Variants in LAMA3 observed in about 807,000 individuals in gnomAD.
The protein encoded by LAMA3 is laminin subunit alpha 3.
Under a neutral mutation model 402.0 loss-of-function variants are expected in LAMA3, and 281 were observed. That is an observed-to-expected ratio of 0.70 (90% CI 0.63 to 0.77). The LOEUF (loss-of-function observed/expected upper bound fraction) is 0.77, where lower values mean the gene tolerates loss of function less well. Among genes scored for constraint, LAMA3 ranks in the 30% least tolerant of loss-of-function variants. The pLI, the probability that LAMA3 is intolerant of heterozygous loss-of-function variation, is 0.00. For missense variants in LAMA3, 3,840 were observed against 4,215.5 expected (o/e 0.91, Z 2.47); for synonymous variants, 1,431 against 1,558.4 (o/e 0.92, Z 1.93).
chr18:23,822,969 C>T (rs2063315827), intron 20 of LAMA3, among the ~76,000 whole-genome samples: 1 of 152,190 alleles, frequency 6.6e-6, no homozygotes. Context: ...GGTATTAGGG[C>T]TTCTACCTGT....
intron 45 of LAMA3, 30 bp downstream of exon 45, chr18:23,898,878 GT>G: frequency 1.9e-6 from 3 of 1,573,018 alleles, no homozygotes; most frequent in Non-Finnish European, 2.6e-6. Context: ...TAACTTTGGG[GT>G]TTTTTTGCTT....
chr18:23,902,992 T>G lies in LAMA3; in HGVS notation c.6202-17T>G. 6.8e-7 allele frequency: 1 copy of G among 1,477,080 alleles called. No homozygotes were observed. The highest frequency in any genetic ancestry group is 9.5e-7 in the Non-Finnish European group (1 of 1,055,490). The allele number at this position is 1,477,080 out of a possible 1,614,324, so 91.5% of individuals were successfully genotyped here. On this transcript the variant is annotated splice_polypyrimidine_tract_variant and intron_variant, in intron 48 of 74. Transcript: ENST00000313654. ...ATATATCATAGAGCTCAAGCAATTT[T>G]TTTTTATTTTCTCCAGAGACAAGTG...
chr18:23,787,088 C>T (rs1056374295), intron 12 of LAMA3, among the ~76,000 whole-genome samples: 2 of 152,168 alleles, frequency 1.3e-5, no homozygotes, highest in African/African-American at 4.8e-5. Flanking sequence ...TTGAGATCAG[C>T]CTGGCCAACA....
chr18:23,884,658 C>G, intron 40 of LAMA3, 115 bp from the exon 41 acceptor site: 4 of 978,164 alleles, frequency 4.1e-6, no homozygotes, highest in Non-Finnish European at 3.2e-6. Context: ...CACAAAGTAA[C>G]CAGACCCTGG....
At chr18:23,878,055 A>G (rs1488155180) in intron 39 of LAMA3, among the ~76,000 whole-genome samples, 2 of 152,166 alleles carry the variant, frequency 1.3e-5, no homozygotes, top group African/African-American at 4.8e-5. Flanking sequence ...GGAGCTTGCA[A>G]TGATGGCGCC....
chr18:23,869,376 A>T (rs1442578918), intron 37 of LAMA3, among the ~76,000 whole-genome samples: 2 of 152,240 alleles, frequency 1.3e-5, no homozygotes, highest in Non-Finnish European at 2.9e-5. Context: ...AATGTAGATT[A>T]GTGGTTGCCT....
intron 27 of LAMA3, among the ~76,000 whole-genome samples, chr18:23,840,725 G>A (rs956329166): frequency 3.3e-5 from 5 of 151,960 alleles, no homozygotes; most frequent in East Asian, 1.9e-4. Context: ...AATGCATTCC[G>A]TAAGCTAAAA....
rs1016334549 is a variant in LAMA3, at chr18:23,839,678, T to C, written c.3192-107T>C. The stretch of plus-strand genomic sequence containing the variant: ...GTGCTTCCCCCAGCACTGGATCCTT[T>C]TGATGCCCATGCAGTCCTATGCTCC... On this transcript the variant is annotated intron_variant, in intron 26 of 74. Coordinates refer to ENST00000313654, the MANE Select transcript of LAMA3 (RefSeq NM_198129.4). The surrounding 1 kb of genome is among the most constrained non-coding windows in gnomAD (Gnocchi z 4.5). 9.3e-6 allele frequency: 11 copies of C among 1,182,638 alleles called. No homozygotes were observed. The highest frequency in any genetic ancestry group is 1.4e-5 in the Non-Finnish European group (11 of 797,354). The allele number at this position is 1,182,638 out of a possible 1,614,324, so 73.3% of individuals were successfully genotyped here. A position where few individuals can be genotyped will look rare whatever the true frequency, so the allele number is the denominator to read the frequency against.
intron 2 of LAMA3, among the ~76,000 whole-genome samples, chr18:23,718,824 G>C (rs1342101680): frequency 6.6e-6 from 1 of 152,186 alleles, no homozygotes; most frequent in Admixed American, 6.5e-5. Flanking sequence ...CTGCCTGAAG[G>C]CTCTTTCTAG....
chr18:23,778,304 G>A (rs973099990), intron 11 of LAMA3, among the ~76,000 whole-genome samples: 4 of 152,192 alleles, frequency 2.6e-5, no homozygotes, highest in African/African-American at 7.2e-5. Context: ...TGGGGACTTA[G>A]CAGAGAACAG....
intron 42 of LAMA3, among the ~76,000 whole-genome samples, chr18:23,891,038 T>C (rs1161153528): frequency 3.3e-5 from 5 of 152,214 alleles, no homozygotes; most frequent in Non-Finnish European, 2.9e-5. Flanking sequence ...GGCAGATTAA[T>C]AGGAGAAAAG....
intron 6 of LAMA3, among the ~76,000 whole-genome samples, chr18:23,754,858 T>G (rs1363214642): frequency 2.0e-5 from 3 of 152,204 alleles, no homozygotes; most frequent in South Asian, 2.1e-4. Flanking sequence ...ACCAGAGATG[T>G]ATTTCACTTT....
At chr18:23,931,890 T>C (rs1033276272) in intron 65 of LAMA3, among the ~76,000 whole-genome samples, 2 of 152,260 alleles carry the variant, frequency 1.3e-5, no homozygotes, top group African/African-American at 4.8e-5. Context: ...TGAACACTTA[T>C]AGCCTGTGCA....
At chr18:23,946,051 A>AT (rs368124937) in intron 69 of LAMA3, 93 bp from the exon 70 acceptor site, 381 of 1,255,216 alleles carry the variant, frequency 3.0e-4, no homozygotes, top group Non-Finnish European at 3.8e-4. Context: ...GCATGAAAAC[A>AT]TTTTTTTTTA....
At chr18:23,857,799 T>C in intron 32 of LAMA3, 45 bp from the exon 33 acceptor site, 1 of 1,613,786 alleles carries the variant, frequency 6.2e-7, no homozygotes, top group Non-Finnish European at 8.5e-7. Context: ...TTTAAAATTG[T>C]GTGTACAAAG....
intron 1 of LAMA3, among the ~76,000 whole-genome samples, chr18:23,705,639 C>T (rs556023293): frequency 1.1e-4 from 16 of 152,086 alleles, no homozygotes; most frequent in Non-Finnish European, 1.8e-4. Flanking sequence ...ATCCTTCCAC[C>T]TCAGCTTCCC....
intron 12 of LAMA3, among the ~76,000 whole-genome samples, chr18:23,791,107 A>G (rs949389349): frequency 1.3e-5 from 2 of 151,636 alleles, no homozygotes; most frequent in Non-Finnish European, 2.9e-5. Context: ...CAATCTCCTG[A>G]CCTCGTGATC....
intron 2 of LAMA3, among the ~76,000 whole-genome samples, chr18:23,746,345 C>T (rs2061651103): frequency 6.6e-6 from 1 of 152,142 alleles, no homozygotes; most frequent in East Asian, 1.9e-4. Context: ...GAGTGGTTCT[C>T]AAAGTATGGA....
intron 37 of LAMA3, among the ~76,000 whole-genome samples, chr18:23,869,508 A>G (rs2064454461): frequency 6.6e-6 from 1 of 152,194 alleles, no homozygotes. Flanking sequence ...TTTATTACAA[A>G]TTGTATGCTT....
Sources: gnomAD v4.1 joint callset for allele counts (sites outside exome capture counted in the v4.1 genomes callset) on GRCh38, gnomAD v4.1.1 for gene constraint, Gnocchi (gnomAD v3.1) non-coding constraint, MANE v1.5 for transcripts, NCBI Gene and HGNC (gene_info 2026-07-23, HGNC 2026-07-21) for gene names.